Variants in CSMD1 observed in about 807,000 individuals in gnomAD.
The protein encoded by CSMD1 is CUB and Sushi multiple domains 1.
A neutral mutation model predicts 417.5 loss-of-function variants in CSMD1; 213 were observed. That is an observed-to-expected ratio of 0.51 (90% confidence interval 0.46 to 0.57). The LOEUF is 0.57. CSMD1 is among the 20% of genes least tolerant of loss of function. CSMD1 has a pLI of 0.00. For missense variants in CSMD1, 6,923 were observed against 4,529.7 expected, an observed-to-expected ratio of 1.53 and a Z score of -15.17; for synonymous variants, 2,862 against 1,736.8, an observed-to-expected ratio of 1.65 and a Z score of -16.11.
At chr8:3,242,484 C>T (rs192069190) in intron 26 of CSMD1, among the ~76,000 whole-genome samples, 2 of 152,040 alleles carry the variant, frequency 1.3e-5, no homozygotes, top group African/African-American at 4.8e-5. Flanking sequence ...ACCATTTGCC[C>T]ATTCTATGCC....
At chr8:3,803,158 T>C (rs1800549096) in intron 5 of CSMD1, among the ~76,000 whole-genome samples, 1 of 152,168 alleles carries the variant, frequency 6.6e-6, no homozygotes, top group Non-Finnish European at 1.5e-5. Context: ...CATGTTCTAA[T>C]CATGCTGAAA....
At chr8:3,385,832 G>C (rs898869201) in intron 18 of CSMD1, among the ~76,000 whole-genome samples, 1 of 151,978 alleles carries the variant, frequency 6.6e-6, no homozygotes, top group Non-Finnish European at 1.5e-5. Flanking sequence ...ATAAGAAGAA[G>C]TTGGCCAGAG....
At chr8:4,861,724 AC>A in intron 1 of CSMD1, among the ~76,000 whole-genome samples, 1 of 152,120 alleles carries the variant, frequency 6.6e-6, no homozygotes, top group South Asian at 2.1e-4. Context: ...AATATGGCAT[AC>A]GTTAAAGAAT....
intron 38 of CSMD1, among the ~76,000 whole-genome samples, chr8:3,160,593 T>C (rs1392455685): frequency 1.3e-5 from 2 of 152,216 alleles, no homozygotes; most frequent in East Asian, 3.9e-4. Context: ...TCCAATCTTT[T>C]TGCAGAGTTA....
At chr8:3,819,296 T>A (rs988401366) in intron 5 of CSMD1, among the ~76,000 whole-genome samples, 2 of 152,118 alleles carry the variant, frequency 1.3e-5, no homozygotes, top group Non-Finnish European at 2.9e-5. Flanking sequence ...CATGAATAAG[T>A]CACAGGAAGC....
intron 1 of CSMD1, among the ~76,000 whole-genome samples, chr8:4,871,088 G>A (rs1244660584): frequency 6.6e-6 from 1 of 152,142 alleles, no homozygotes. Flanking sequence ...TCTGGCCTGG[G>A]CCATGGGAGG....
intron 2 of CSMD1, among the ~76,000 whole-genome samples, chr8:4,494,256 G>C (rs1344577927): frequency 6.6e-6 from 1 of 152,168 alleles, no homozygotes; most frequent in Non-Finnish European, 1.5e-5. Flanking sequence ...AAACGTAAAG[G>C]AAGAATGTCA....
intron 10 of CSMD1, among the ~76,000 whole-genome samples, chr8:3,573,716 T>C (rs1266039653): frequency 6.6e-6 from 1 of 152,154 alleles, no homozygotes; most frequent in Non-Finnish European, 1.5e-5. Context: ...GATGGATATT[T>C]TGACAAAATG....
At chr8:4,234,628 G>T (rs983729945) in intron 3 of CSMD1, among the ~76,000 whole-genome samples, 5 of 152,064 alleles carry the variant, frequency 3.3e-5, no homozygotes, top group African/African-American at 4.8e-5. Context: ...TTTTATTCTA[G>T]GACATGGAAG....
At chr8:3,991,649 T>C (rs1418122009) in intron 5 of CSMD1, among the ~76,000 whole-genome samples, 2 of 152,164 alleles carry the variant, frequency 1.3e-5, no homozygotes, top group African/African-American at 2.4e-5. Flanking sequence ...ACTTTCTTTG[T>C]ATGCACTAAG....
chr8:4,022,655 G>A (rs1796848255), intron 4 of CSMD1, among the ~76,000 whole-genome samples: 1 of 152,148 alleles, frequency 6.6e-6, no homozygotes, highest in Non-Finnish European at 1.5e-5. Flanking sequence ...GAGCGCTCAG[G>A]GAGAGAAATG....
intron 1 of CSMD1, among the ~76,000 whole-genome samples, chr8:4,799,917 C>A (rs1408267176): frequency 1.3e-5 from 2 of 152,088 alleles, no homozygotes; most frequent in Non-Finnish European, 2.9e-5. Flanking sequence ...ACTATGCATG[C>A]AGCTTTCGAA....
intron 1 of CSMD1, among the ~76,000 whole-genome samples, chr8:4,768,968 G>A (rs1310262375): frequency 6.6e-6 from 1 of 152,036 alleles, no homozygotes; most frequent in Non-Finnish European, 1.5e-5. Context: ...AAATTAACTT[G>A]TGACTAAACT....
intron 27 of CSMD1, among the ~76,000 whole-genome samples, chr8:3,229,459 C>A (rs1366419890): frequency 6.6e-6 from 1 of 152,126 alleles, no homozygotes; most frequent in East Asian, 1.9e-4. Flanking sequence ...TAAATTGTCT[C>A]AGGTGGCTAT....
chr8:4,850,926 TA>T (rs1349470385), intron 1 of CSMD1, among the ~76,000 whole-genome samples: 20 of 140,620 alleles, frequency 1.4e-4, no homozygotes, highest in Non-Finnish European at 2.2e-4. Context: ...TTTTTGTGGT[TA>T]TTTTTTTATC....
intron 1 of CSMD1, among the ~76,000 whole-genome samples, chr8:4,982,588 G>A (rs1213011903): frequency 6.6e-6 from 1 of 152,020 alleles, no homozygotes; most frequent in African/African-American, 2.4e-5. Flanking sequence ...CTTTCTCATA[G>A]GTTCTATTCT....
At chr8:4,786,400 T>C (rs1298309140) in intron 1 of CSMD1, among the ~76,000 whole-genome samples, 1 of 152,172 alleles carries the variant, frequency 6.6e-6, no homozygotes, top group Non-Finnish European at 1.5e-5. Flanking sequence ...GTCAAGTAAA[T>C]GAATAAATAA....
intron 10 of CSMD1, among the ~76,000 whole-genome samples, chr8:3,553,813 A>G (rs1794928370): frequency 6.6e-6 from 1 of 152,214 alleles, no homozygotes; most frequent in Admixed American, 6.5e-5. Context: ...TTCACAGAAT[A>G]TTTATAATAT....
At position 3,150,312 on chromosome 8, in the gene CSMD1, G is replaced by A. The variant is rs568050121; in HGVS notation, c.6031+1085C>T. Among the ~76,000 whole-genome samples the A allele has an allele frequency of 5.3e-4, 81 of 152,258 alleles. 1 individual carries two copies. The South Asian group carries it at 0.012, about 23-fold the overall frequency. On this transcript the variant is annotated intron_variant, in intron 40 of 69. Coordinates refer to ENST00000635120, the MANE Select transcript of CSMD1 (RefSeq NM_033225.6). ...TGGGAGGTGACGGACTCCCCAGGCC[G>A]TCCCCATCGAGCTGCTCTTCCACAG...
Sources: gnomAD v4.1 joint callset for allele counts (sites outside exome capture counted in the v4.1 genomes callset) on GRCh38, gnomAD v4.1.1 for gene constraint, MANE v1.5 for transcripts, NCBI Gene and HGNC (gene_info 2026-07-23, HGNC 2026-07-21) for gene names.